Variants in CHD9 observed in about 807,000 individuals in gnomAD.
CHD9 encodes chromodomain helicase DNA binding protein 9, also known as ATP-dependent chromatin remodeler CHD9.
Under a neutral mutation model 316.1 loss-of-function variants are expected in CHD9, and 77 were observed. The observed-to-expected ratio is 0.24, with a 90% confidence interval of 0.20 to 0.29. CHD9 has a LOEUF of 0.29. Ranked by LOEUF, CHD9 falls within the 10% of genes least tolerant of loss-of-function variation. The probability of loss-of-function intolerance (pLI) is 1.00; values close to 1 mark genes in which losing one functional copy is unlikely to be tolerated. For synonymous variants in CHD9, 1,129 were observed against 1,158.3 expected (o/e 0.97, Z 0.51); for missense variants, 2,763 against 3,438.1 (o/e 0.80, Z 4.91).
At position 53,292,915 on chromosome 16, in the gene CHD9, A is replaced by G; in HGVS notation, c.5373A>G (p.Ala1791=). The G allele has an allele frequency of 6.2e-7, 1 of 1,613,902 alleles. No homozygotes were observed. Among genetic ancestry groups the G allele is most frequent in the Non-Finnish European group, 8.5e-7 (1 of 1,179,866 alleles). Residue 1791 remains alanine (A), a synonymous_variant, in exon 29 of 39, where the codon GCA becomes GCG. Transcript: ENST00000447540. ...CACGTTTGAGGCGTCTCATCACTGC[A>G]TACCAGCGTACTAATAAAAACAGAC... The part of the protein sequence containing the change: ...LTTRLRRLIT[A]YQRTNKNRQI...
rs1206220443 is a variant in CHD9, at chr16:53,303,818, G to A, written c.5812G>A (p.Ala1938Thr). The A allele has an allele frequency of 4.3e-6, 7 of 1,613,856 alleles. No individual in the cohort carries two copies. The highest frequency in any genetic ancestry group is 1.7e-5 in the Admixed American group (1 of 60,000). Reference protein sequence around the residue: ...IELLRKVREQALRHPQLFERL... With the variant: ...IELLRKVREQTLRHPQLFERL... ...ACTTCTAAGGAAAGTACGGGAACAG[G>A]CCCTTCGACATCCACAGTTGTTTGA... The change falls in exon 31 of 39, where the codon GCC becomes ACC. Residue 1938 changes from alanine to threonine, a missense_variant. This residue lies in a region of CHD9 where 663 missense variants were observed against 751.2 expected (regional missense o/e 0.88). Transcript: ENST00000447540.
intron 13 of CHD9, among the ~76,000 whole-genome samples, chr16:53,244,361 T>C (rs2049376566): frequency 1.3e-5 from 2 of 151,680 alleles, no homozygotes; most frequent in Non-Finnish European, 2.9e-5. Flanking sequence ...CCCGGCTAAT[T>C]TTTTGTATTT....
intron 1 of CHD9, among the ~76,000 whole-genome samples, chr16:53,057,611 G>A (rs1013329441): frequency 6.6e-6 from 1 of 151,178 alleles, no homozygotes; most frequent in Non-Finnish European, 1.5e-5. Flanking sequence ...CCAAGATCAC[G>A]CCATTGTACT....
At chr16:53,222,069 C>T (rs113496466) in intron 3 of CHD9, among the ~76,000 whole-genome samples, 9 of 150,078 alleles carry the variant, frequency 6.0e-5, no homozygotes, top group African/African-American at 2.2e-4. Flanking sequence ...TGTTTGTTTG[C>T]TTGCTTGTTT....
Position 53,325,453 on chromosome 16 carries a change from A to G in CHD9, c.*558A>G, listed in dbSNP as rs1033224061. On this transcript the variant is annotated 3_prime_UTR_variant, in exon 39 of 39. Coordinates refer to ENST00000447540, the MANE Select transcript of CHD9 (RefSeq NM_001308319.2). ...TTTTAAAGAAGAAATAAGTTTCCCA[A>G]TCAGCCAATTTAACTGGCTACCTGT... 1.3e-5 allele frequency: 2 copies of G among 152,618 alleles called. No individual in the cohort carries two copies. The highest frequency in any genetic ancestry group is 1.5e-5 in the Non-Finnish European group (1 of 68,022). 9.5% of individuals were successfully genotyped at this position (152,618 alleles called of 1,614,324 possible).
At chr16:53,216,405 T>G (rs566621925) in intron 3 of CHD9, among the ~76,000 whole-genome samples, 1 of 152,336 alleles carries the variant, frequency 6.6e-6, no homozygotes, top group South Asian at 2.1e-4. Context: ...TACTAAAAGA[T>G]AATATAGTTT....
Position 53,307,271 on chromosome 16 carries a change from CTGTT to C in CHD9, c.6781-398_6781-395del, listed in dbSNP as rs1383060908. On this transcript the variant is annotated intron_variant, in intron 32 of 38. Transcript: ENST00000447540. Reference sequence around the variant, plus strand: ...CTATCTTTGTGGTATAATTTTTTGTCTGTTTGTTTGTTTGTGAGACACGGTCTTA... The same window carrying C: ...CTATCTTTGTGGTATAATTTTTTGTCTGTTTGTTTGTGAGACACGGTCTTA... 9.9e-5 allele frequency among the ~76,000 whole-genome samples: 15 copies of C among 151,960 alleles called. 1 individual carries two copies. Among genetic ancestry groups the C allele is most frequent in the Non-Finnish European group, 1.8e-4 (12 of 67,934 alleles).
chr16:53,127,212 T>C (rs927466848), intron 1 of CHD9, among the ~76,000 whole-genome samples: 3 of 152,064 alleles, frequency 2.0e-5, no homozygotes, highest in Non-Finnish European at 4.4e-5. Flanking sequence ...TCCACCTGCC[T>C]TGGCCTCCCA....
At chr16:53,248,531 T>G (rs1341092759) in intron 16 of CHD9, among the ~76,000 whole-genome samples, 13 of 146,686 alleles carry the variant, frequency 8.9e-5, no homozygotes, top group African/African-American at 1.5e-4. Flanking sequence ...TTTTTGTTTT[T>G]TTTTTTTTTT....
At chr16:53,085,454 C>T (rs2035390297) in intron 1 of CHD9, among the ~76,000 whole-genome samples, 2 of 152,088 alleles carry the variant, frequency 1.3e-5, no homozygotes, top group Non-Finnish European at 2.9e-5. Flanking sequence ...CCTTCTATCC[C>T]CTGGGCTCCT....
At chr16:53,090,589 GT>G (rs1324026290) in intron 1 of CHD9, among the ~76,000 whole-genome samples, 1 of 152,182 alleles carries the variant, frequency 6.6e-6, no homozygotes, top group African/African-American at 2.4e-5. Flanking sequence ...AGTAAAGGCT[GT>G]TTTTGTGTGC....
chr16:53,273,301 A>G (rs2052471882), intron 22 of CHD9, among the ~76,000 whole-genome samples: 1 of 152,214 alleles, frequency 6.6e-6, no homozygotes, highest in African/African-American at 2.4e-5. Flanking sequence ...ATCTTTTAGT[A>G]TCTAGGAAAG....
chr16:53,156,033 G>A lies in CHD9; in HGVS notation c.-57G>A. Reference sequence around the variant, plus strand: ...ATGATCCAATAATATCTACTATAGAGAAGCTGAATATACTCCATTTGGAGT... The same window carrying A: ...ATGATCCAATAATATCTACTATAGAAAAGCTGAATATACTCCATTTGGAGT... On this transcript the variant is annotated 5_prime_UTR_variant, in exon 2 of 39. Coordinates refer to ENST00000447540, the MANE Select transcript of CHD9 (RefSeq NM_001308319.2). 6.6e-7 allele frequency: 1 copy of A among 1,519,622 alleles called. No homozygotes were observed. The highest frequency in any genetic ancestry group is 8.9e-7 in the Non-Finnish European group (1 of 1,127,664). The allele number at this position is 1,519,622 out of a possible 1,614,324, so 94.1% of individuals were successfully genotyped here.
At chr16:53,069,885 C>T (rs1596869889) in intron 1 of CHD9, among the ~76,000 whole-genome samples, 1 of 151,156 alleles carries the variant, frequency 6.6e-6, no homozygotes, top group East Asian at 1.9e-4. Context: ...TCTCCACATC[C>T]TTGTCAACGT....
At chr16:53,141,216 A>G (rs2040082184) in intron 1 of CHD9, among the ~76,000 whole-genome samples, 1 of 152,204 alleles carries the variant, frequency 6.6e-6, no homozygotes, top group Non-Finnish European at 1.5e-5. Flanking sequence ...ATCCCTATTT[A>G]CAGATGAAGA....
intron 1 of CHD9, among the ~76,000 whole-genome samples, chr16:53,062,145 TG>T (rs2032980836): frequency 6.6e-6 from 1 of 152,206 alleles, no homozygotes; most frequent in African/African-American, 2.4e-5. Context: ...AACAGAAGTC[TG>T]GGCAAAGTAC....
intron 2 of CHD9, among the ~76,000 whole-genome samples, chr16:53,192,459 T>C (rs2044555037): frequency 6.6e-6 from 1 of 152,216 alleles, no homozygotes; most frequent in African/African-American, 2.4e-5. Flanking sequence ...AATGGAAGCC[T>C]AAAGAACATG....
rs754553288 is a variant in CHD9 at position 53,231,513 on chromosome 16, T to C, written c.2373+8T>C. ...GATAAGGATACTGGTGAGGTAAATA[T>C]ATGGTAAAAAGATTTTTTAAGTAAG... On this transcript the variant is annotated splice_region_variant and intron_variant, in intron 9 of 38. Coordinates refer to ENST00000447540, the MANE Select transcript of CHD9 (RefSeq NM_001308319.2). 1.9e-5 allele frequency: 29 copies of C among 1,529,352 alleles called. No individual in the cohort carries two copies. Among genetic ancestry groups the C allele is most frequent in the Non-Finnish European group, 2.4e-5 (27 of 1,114,470 alleles). 94.7% of individuals were successfully genotyped at this position (1,529,352 alleles called of 1,614,324 possible). A position where few individuals can be genotyped will look rare whatever the true frequency, so the allele number is the denominator to read the frequency against.
chr16:53,157,928 T>C (rs1030480271), intron 2 of CHD9, among the ~76,000 whole-genome samples: 18 of 152,186 alleles, frequency 1.2e-4, no homozygotes, highest in African/African-American at 4.3e-4. Flanking sequence ...TAAAAAGCTT[T>C]ATAAATTAGC....
Sources: gnomAD v4.1 joint callset for allele counts (sites outside exome capture counted in the v4.1 genomes callset) on GRCh38, gnomAD v4.1.1 for gene constraint, gnomAD v4.1.1 regional missense constraint, MANE v1.5 for transcripts, NCBI Gene and HGNC (gene_info 2026-07-23, HGNC 2026-07-21) for gene names.